The following RARB variants were observed in gnomAD, a reference collection of about 807,000 sequenced individuals.
The protein encoded by RARB is retinoic acid receptor beta, also known as HBV-activated protein.
A neutral mutation model predicts 51.9 loss-of-function variants in RARB; 17 were observed. The ratio of observed to expected loss-of-function variants is 0.33; its 90% CI spans 0.22 to 0.49. RARB has a LOEUF of 0.49. Ranked by LOEUF, RARB falls within the 20% of genes least tolerant of loss-of-function variation. RARB has a pLI of 0.99. For synonymous variants in RARB, 215 were observed against 195.4 expected, an observed-to-expected ratio of 1.10 and a Z score of -0.84; for missense variants, 369 against 550.8, an observed-to-expected ratio of 0.67 and a Z score of 3.30.
chr3:24,913,032 G>C (rs1200176405), intron 2 of RARB, among the ~76,000 whole-genome samples: 2 of 129,056 alleles, frequency 1.5e-5, no homozygotes, highest in Admixed American at 9.9e-5. Flanking sequence ...TCAGGCTGGA[G>C]TGCAGTGGCG....
chr3:25,389,706 A>G (rs1316474053), intron 5 of RARB, among the ~76,000 whole-genome samples: 1 of 152,186 alleles, frequency 6.6e-6, no homozygotes, highest in Non-Finnish European at 1.5e-5. Flanking sequence ...CTTATTTGCT[A>G]TGGACCTAAA....
intron 3 of RARB, among the ~76,000 whole-genome samples, chr3:25,082,846 T>C (rs923099521): frequency 1.1e-4 from 16 of 152,108 alleles, no homozygotes; most frequent in Non-Finnish European, 1.9e-4. Context: ...GTCTATATAG[T>C]GCAAGTCTTC....
intron 5 of RARB, 51 bp downstream of exon 5, chr3:25,580,773 C>T (rs774561495): frequency 1.1e-5 from 16 of 1,492,666 alleles, no homozygotes; most frequent in East Asian, 2.3e-5. Context: ...GAGAGGGCAC[C>T]GTGGAGGGGA....
At chr3:24,940,358 C>T (rs766213656) in intron 2 of RARB, among the ~76,000 whole-genome samples, 7 of 151,886 alleles carry the variant, frequency 4.6e-5, no homozygotes, top group African/African-American at 7.3e-5. Context: ...GTGATGCTGG[C>T]GACGTAGAGA....
upstream of RARB, among the ~76,000 whole-genome samples, chr3:25,427,005 C>T (rs1191968471): frequency 2.6e-5 from 4 of 152,266 alleles, no homozygotes; most frequent in East Asian, 1.9e-4. Flanking sequence ...TGAGAGAAAA[C>T]TGGTCCTTCA....
At chr3:25,142,525 T>G (rs544778276) in intron 4 of RARB, among the ~76,000 whole-genome samples, 1 of 152,112 alleles carries the variant, frequency 6.6e-6, no homozygotes, top group Non-Finnish European at 1.5e-5. Context: ...GGCAAAGATA[T>G]AATCTCTATG....
intron 5 of RARB, among the ~76,000 whole-genome samples, chr3:25,218,422 C>G (rs1174840677): frequency 6.6e-6 from 1 of 152,096 alleles, no homozygotes; most frequent in Non-Finnish European, 1.5e-5. Context: ...CAAGTTGTTC[C>G]TTTTCACTTG....
intron 3 of RARB, among the ~76,000 whole-genome samples, chr3:25,073,608 C>T (rs1698814029): frequency 6.6e-6 from 1 of 152,154 alleles, no homozygotes; most frequent in Admixed American, 6.5e-5. Flanking sequence ...CCTTGGACCC[C>T]CTTTCTGTGG....
intron 4 of RARB, among the ~76,000 whole-genome samples, chr3:25,147,111 G>A (rs145315880): frequency 6.6e-6 from 1 of 152,142 alleles, no homozygotes; most frequent in Admixed American, 6.5e-5. Context: ...CTAAACTCAC[G>A]TGAAGATAAA....
At chr3:25,073,817 G>C (rs1444927159) in intron 3 of RARB, among the ~76,000 whole-genome samples, 1 of 150,316 alleles carries the variant, frequency 6.7e-6, no homozygotes, top group East Asian at 1.9e-4. Flanking sequence ...AGTAGAATTG[G>C]GAAACAATAG....
intron 5 of RARB, among the ~76,000 whole-genome samples, chr3:25,256,196 C>G (rs1027050250): frequency 3.3e-5 from 5 of 152,098 alleles, no homozygotes; most frequent in African/African-American, 1.2e-4. Context: ...CGTCATTGCA[C>G]TGTTATAGAA....
chr3:25,210,546 T>TTTTTTG (rs1449965080), intron 5 of RARB, among the ~76,000 whole-genome samples: 1 of 124,532 alleles, frequency 8.0e-6, no homozygotes, highest in Non-Finnish European at 1.7e-5. Flanking sequence ...TTTTTTTTTT[T>TTTTTTG]TTTTTTTGAG....
chr3:25,297,622 C>A (rs1427574885), intron 5 of RARB, among the ~76,000 whole-genome samples: 4 of 151,956 alleles, frequency 2.6e-5, no homozygotes, highest in Non-Finnish European at 4.4e-5. Context: ...AAAAGCAGAT[C>A]TTCGTGGGGA....
At chr3:25,591,043 A>G (rs1330952329) in intron 5 of RARB, among the ~76,000 whole-genome samples, 1 of 152,200 alleles carries the variant, frequency 6.6e-6, no homozygotes, top group East Asian at 1.9e-4. Flanking sequence ...TACCAAGATG[A>G]AGTGAAACAG....
chr3:25,357,103 A>G (rs1449922085), intron 5 of RARB, among the ~76,000 whole-genome samples: 8 of 152,180 alleles, frequency 5.3e-5, no homozygotes. Context: ...GTTTCCCACA[A>G]TGGTTGAACT....
chr3:25,550,423 T>C (rs1699801760), intron 3 of RARB, among the ~76,000 whole-genome samples: 1 of 151,992 alleles, frequency 6.6e-6, no homozygotes. Context: ...CCTAGTGAGG[T>C]CCTACTTTCT....
chr3:25,083,155 G>C (rs1603991), intron 3 of RARB, among the ~76,000 whole-genome samples: 109,285 of 151,748 alleles, frequency 0.72, 40,062 homozygotes, highest in Admixed American at 0.8. Flanking sequence ...TTCTGATTGG[G>C]ATTCATTCAG....
intron 5 of RARB, among the ~76,000 whole-genome samples, chr3:25,192,499 G>T (rs1701127693): frequency 6.6e-6 from 1 of 152,048 alleles, no homozygotes; most frequent in Non-Finnish European, 1.5e-5. Flanking sequence ...GTTTTTTGTA[G>T]ATAACCTATC....
intron 3 of RARB, among the ~76,000 whole-genome samples, chr3:25,060,748 G>A (rs1049797005): frequency 3.9e-5 from 6 of 151,904 alleles, no homozygotes; most frequent in African/African-American, 1.2e-4. Context: ...GGAGTTTCCA[G>A]TGTTAGCCAT....
Sources: allele counts gnomAD v4.1 joint callset (sites outside exome capture counted in the v4.1 genomes callset), GRCh38; gene constraint gnomAD v4.1.1; transcripts MANE v1.5; gene names NCBI Gene and HGNC (gene_info 2026-07-23, HGNC 2026-07-21).